Variants in UNC79 observed in about 807,000 individuals in gnomAD.
UNC79 encodes the protein unc-79 subunit of NALCN channel complex.
A neutral mutation model predicts 283.1 loss-of-function variants in UNC79; 37 were observed. That is an observed-to-expected ratio of 0.13 (90% CI 0.10 to 0.17). The LOEUF is 0.17. Ranked by LOEUF, UNC79 falls within the 10% of genes least tolerant of loss-of-function variation. UNC79 has a pLI of 1.00. For missense variants in UNC79, 2,272 were observed against 3,211.1 expected, an observed-to-expected ratio of 0.71 and a Z score of 7.07; for synonymous variants, 1,107 against 1,200.2, an observed-to-expected ratio of 0.92 and a Z score of 1.61.
At position 93,458,186 on chromosome 14, in the gene UNC79, C is replaced by T. The variant is rs564282212; in HGVS notation, c.23-9485C>T. 1.1e-4 allele frequency among the ~76,000 whole-genome samples: 17 copies of T among 152,168 alleles called. No individual in the cohort carries two copies. The South Asian group carries it at 1.2e-3, about 11-fold the overall frequency. On this transcript the variant is annotated intron_variant, in intron 1 of 48. Transcript: ENST00000555664. ...ATCTATAAAATCTTAGGCTTTATGTCGTGCAAGAAGAAACCAATAAAAAAT... is the reference window on the plus strand; with the variant it reads ...ATCTATAAAATCTTAGGCTTTATGTTGTGCAAGAAGAAACCAATAAAAAAT...
chr14:93,477,448 C>A, intron 3 of UNC79, 110 bp from the exon 4 acceptor site: 1 of 798,862 alleles, frequency 1.3e-6, no homozygotes, highest in Non-Finnish European at 1.9e-6. Context: ...AGAGATGGAG[C>A]ACTAGTTGCT....
At chr14:93,463,795 T>C (rs1407329853) in intron 1 of UNC79, among the ~76,000 whole-genome samples, 1 of 152,162 alleles carries the variant, frequency 6.6e-6, no homozygotes, top group Non-Finnish European at 1.5e-5. Context: ...TGGAGATAGA[T>C]CCAAGGCCTT....
At chr14:93,387,987 T>G in intron 1 of UNC79, among the ~76,000 whole-genome samples, 1 of 152,254 alleles carries the variant, frequency 6.6e-6, no homozygotes, top group Non-Finnish European at 1.5e-5. Context: ...CGTAGTGACC[T>G]TCTTTGTCTC....
intron 31 of UNC79, 140 bp downstream of exon 34, chr14:93,634,777 T>G: frequency 1.3e-6 from 1 of 749,802 alleles, no homozygotes; most frequent in South Asian, 1.8e-5. Context: ...CCACCTAAGG[T>G]AATTAGTAAG....
intron 47 of UNC79, among the ~76,000 whole-genome samples, chr14:93,703,493 C>T (rs2075675388): frequency 2.0e-5 from 3 of 152,144 alleles, no homozygotes; most frequent in South Asian, 4.1e-4. Flanking sequence ...GTCTAAACTC[C>T]CCTTTTTATA....
intron 46 of UNC79, among the ~76,000 whole-genome samples, chr14:93,693,161 T>C (rs1044092153): frequency 2.6e-5 from 4 of 152,210 alleles, no homozygotes; most frequent in African/African-American, 9.6e-5. Flanking sequence ...TGTAGAGAGA[T>C]GTCTTAGTTC....
At chr14:93,354,258 T>C (rs2054039533) in intron 1 of UNC79, among the ~76,000 whole-genome samples, 1 of 152,212 alleles carries the variant, frequency 6.6e-6, no homozygotes, top group Non-Finnish European at 1.5e-5. Flanking sequence ...TTACAGGCTG[T>C]GTTTTATGGA....
At chr14:93,595,143 G>T (rs2064983281) in intron 23 of UNC79, among the ~76,000 whole-genome samples, 1 of 151,490 alleles carries the variant, frequency 6.6e-6, no homozygotes, top group Non-Finnish European at 1.5e-5. Flanking sequence ...AAGCTGGAGT[G>T]CAGTGGAGTG....
chr14:93,567,667 C>T (rs1452717584), intron 14 of UNC79, among the ~76,000 whole-genome samples: 3 of 152,204 alleles, frequency 2.0e-5, no homozygotes, highest in Non-Finnish European at 4.4e-5. Flanking sequence ...AATTAAACTC[C>T]TTTGCATTTA....
chr14:93,620,499 C>T lies in UNC79; in HGVS notation c.4388-1122C>T, dbSNP rs553072642. On this transcript the variant is annotated intron_variant, in intron 29 of 48. Coordinates refer to ENST00000555664, the Ensembl canonical transcript of UNC79. ...CCACTCATTTTGTTTAATTTCCTTT[C>T]GCCAAATCAGCCTGAAAATCCACGC... Among the ~76,000 whole-genome samples, 6 of 152,088 alleles carry T rather than the reference C, an allele frequency of 3.9e-5. No individual in the cohort carries two copies. In the South Asian group the frequency reaches 6.2e-4, roughly 16 times the overall value.
chr14:93,656,441 C>T (rs937905110), intron 38 of UNC79, among the ~76,000 whole-genome samples: 2 of 149,548 alleles, frequency 1.3e-5, no homozygotes, highest in Non-Finnish European at 3.0e-5. Context: ...CTCGTCTCTA[C>T]GAAAGATTAA....
chr14:93,521,937 A>G (rs1340846608), intron 7 of UNC79, among the ~76,000 whole-genome samples: 2 of 151,504 alleles, frequency 1.3e-5, no homozygotes, highest in Non-Finnish European at 2.9e-5. Flanking sequence ...TCCAGACATC[A>G]TATTTTTAAA....
At position 93,416,271 on chromosome 14, in the gene UNC79, G is replaced by A. The variant is rs1426074910; in HGVS notation, c.-350-51400G>A. On this transcript the variant is annotated intron_variant, in intron 1 of 49. Transcript: ENST00000256339. ...ACATCTTTATTTCTGCCTTCATTTC[G>A]TTATGTACCCAGTAGTCATTCAGGA... 5.5e-5 allele frequency among the ~76,000 whole-genome samples: 8 copies of A among 145,494 alleles called. 1 individual carries two copies. Among genetic ancestry groups the A allele is most frequent in the East Asian group, 2.0e-4 (1 of 5,112 alleles).
chr14:93,444,307 G>T (rs968116588), intron 1 of UNC79, among the ~76,000 whole-genome samples: 2 of 152,008 alleles, frequency 1.3e-5, no homozygotes, highest in African/African-American at 4.8e-5. Context: ...TCTTTTGATT[G>T]AGTCTTAAGG....
chr14:93,377,136 T>C (rs1353164400), intron 1 of UNC79, among the ~76,000 whole-genome samples: 7 of 143,052 alleles, frequency 4.9e-5, no homozygotes, highest in Non-Finnish European at 1.0e-4. Context: ...TCTCGCTCTG[T>C]CACCCAGGCT....
intron 1 of UNC79, among the ~76,000 whole-genome samples, chr14:93,435,354 C>T (rs867308732): frequency 6.6e-6 from 1 of 152,188 alleles, no homozygotes; most frequent in Non-Finnish European, 1.5e-5. Flanking sequence ...TTTCTTCTTT[C>T]TTTTCTGGCT....
At position 93,662,755 on chromosome 14, in the gene UNC79, A is replaced by G. The variant is rs959366599; in HGVS notation, c.6636+41A>G. On this transcript the variant is annotated intron_variant, in intron 40 of 48. Transcript: ENST00000555664. The stretch of plus-strand genomic sequence containing the variant: ...TATGTGTGTTCCTGTGAAACTGAAA[A>G]CTGGCAGAAATATATTCTTTTGAAT... The G allele has an allele frequency of 7.5e-6, 11 of 1,470,922 alleles. No homozygotes were observed. The Admixed American group carries it at 2.0e-4, about 27-fold the overall frequency. The allele number at this position is 1,470,922 out of a possible 1,614,324, so 91.1% of individuals were successfully genotyped here. A position where few individuals can be genotyped will look rare whatever the true frequency, so the allele number is the denominator to read the frequency against.
intron 1 of UNC79, among the ~76,000 whole-genome samples, chr14:93,417,391 G>A (rs1290914238): frequency 9.2e-5 from 14 of 152,136 alleles, no homozygotes; most frequent in Non-Finnish European, 1.8e-4. Context: ...CGAGAGATCC[G>A]CTGTTAGTCT....
At chr14:93,565,366 T>A (rs1191038822) in intron 14 of UNC79, among the ~76,000 whole-genome samples, 6 of 152,126 alleles carry the variant, frequency 3.9e-5, no homozygotes, top group Non-Finnish European at 5.9e-5. Context: ...ACCCAGGGGG[T>A]TAAGCGAGCT....
Sources: gnomAD v4.1 joint callset for allele counts (sites outside exome capture counted in the v4.1 genomes callset) on GRCh38, gnomAD v4.1.1 for gene constraint, MANE v1.5 for transcripts, NCBI Gene and HGNC (gene_info 2026-07-23, HGNC 2026-07-21) for gene names.